AVEN: variants seen among roughly 807,000 people sequenced by gnomAD.
AVEN encodes the protein apoptosis and caspase activation inhibitor, also known as cell death regulator Aven.
AVEN carries 41 observed loss-of-function variants against 38.1 expected under a neutral mutation model. That is an observed-to-expected ratio of 1.08 (90% CI 0.84 to 1.40). AVEN has a LOEUF of 1.40. AVEN is among the 40% of genes most tolerant of loss of function. The probability of loss-of-function intolerance (pLI) is 0.00; values close to 1 mark genes in which losing one functional copy is unlikely to be tolerated. For missense variants in AVEN, 605 were observed against 438.8 expected, an observed-to-expected ratio of 1.38 and a Z score of -3.38; for synonymous variants, 206 against 171.8, an observed-to-expected ratio of 1.20 and a Z score of -1.56.
At chr15:33,852,398 A>ATCATC in the AVEN span, 1 of 152,246 alleles carries the variant, frequency 6.6e-6, no homozygotes, top group Non-Finnish European at 1.5e-5. Flanking sequence ...GAGAAGAAAG[A>ATCATC]TCATCTCTCT....
upstream of AVEN, among the ~76,000 whole-genome samples, chr15:34,043,223 G>A (rs1422932879): frequency 6.6e-6 from 1 of 151,506 alleles, no homozygotes; most frequent in East Asian, 1.9e-4. Context: ...CTCCAGCCTG[G>A]GCGACCGAGC....
intron 1 of AVEN, among the ~76,000 whole-genome samples, chr15:34,037,329 G>A (rs1899190367): frequency 6.6e-6 from 1 of 151,976 alleles, no homozygotes; most frequent in Non-Finnish European, 1.5e-5. Context: ...TCTCAATAAA[G>A]TGGTAACTGG....
chr15:33,921,886 T>A (rs1893408770), intron 2 of AVEN, among the ~76,000 whole-genome samples: 1 of 151,968 alleles, frequency 6.6e-6, no homozygotes, highest in South Asian at 2.1e-4. Flanking sequence ...TGGGAAAAAA[T>A]GGTTAGCAGC....
In AVEN at chr15:33,933,397, A is replaced by T. The variant is rs117792659; in HGVS notation, c.446-57402T>A. The stretch of plus-strand genomic sequence containing the variant: ...TGGAGATGGAGAGAAATGAATGTGG[A>T]TGCTAAACTGGACTAGATGGTATCT... On this transcript the variant is annotated intron_variant, in intron 2 of 5. Coordinates refer to ENST00000306730, the MANE Select transcript of AVEN (RefSeq NM_020371.3). Among the ~76,000 whole-genome samples the T allele has an allele frequency of 8.2e-3, 1,240 of 151,860 alleles. 10 individuals carry two copies. The highest frequency in any genetic ancestry group is 0.014 in the Non-Finnish European group (952 of 67,946).
At chr15:33,863,122 T>G (rs1054034960), downstream of AVEN, among the ~76,000 whole-genome samples, 37 of 152,170 alleles carry the variant, frequency 2.4e-4, no homozygotes, top group African/African-American at 8.7e-4. Context: ...ACTGTTACAC[T>G]GGTCTCTTTC....
In AVEN at chr15:33,993,023, C is replaced by T. The variant is rs147191575; in HGVS notation, c.445+10009G>A. ...ACAGACTTGCACATAATATTTTCCC[C>T]ACGTTTTCTTCAATATTGATCCAGT... On this transcript the variant is annotated intron_variant, in intron 2 of 5. Coordinates refer to ENST00000306730, the MANE Select transcript of AVEN (RefSeq NM_020371.3). Among the ~76,000 whole-genome samples, 143 of 152,264 alleles carry T rather than the reference C, an allele frequency of 9.4e-4. 2 individuals are homozygous for T. In the East Asian group the frequency reaches 0.021, roughly 23 times the overall value.
intron 4 of AVEN, among the ~76,000 whole-genome samples, chr15:33,869,706 A>T (rs761283360): frequency 6.6e-6 from 1 of 152,184 alleles, no homozygotes; most frequent in Non-Finnish European, 1.5e-5. Flanking sequence ...TATACAGCAA[A>T]TGAATGGGTA....
Position 34,063,541 on chromosome 15 carries a change from G to T in AVEN, n.1127-109C>A. 3 of 1,613,416 alleles carry T rather than the reference G, an allele frequency of 1.9e-6. No individual in the cohort carries two copies. Among genetic ancestry groups the T allele is most frequent in the South Asian group, 1.1e-5 (1 of 91,070 alleles). On this transcript the variant is annotated intron_variant and non_coding_transcript_variant, in intron 4 of 11. Transcript: ENST00000675287. This position sits in a 1 kb window ranked among gnomAD's most constrained non-coding sequence, Gnocchi z 4.1. The stretch of plus-strand genomic sequence containing the variant: ...AACCAGGCCTCCTGGTCATCCTCCC[G>T]CAGGAGCACCTCCACCACTGGGAAG...
intron 1 of AVEN, among the ~76,000 whole-genome samples, chr15:34,017,608 T>C (rs1169175412): frequency 6.6e-6 from 1 of 151,150 alleles, no homozygotes; most frequent in Non-Finnish European, 1.5e-5. Context: ...GTCTCTCAAG[T>C]AGCTGTGACT....
intron 11 of AVEN, chr15:33,859,535 T>C (rs763940376): frequency 1.2e-6 from 2 of 1,610,748 alleles, no homozygotes; most frequent in Non-Finnish European, 1.7e-6. Flanking sequence ...AAAACAGAAC[T>C]GTGACTTTTG....
rs1466228439 is a variant in AVEN, at chr15:34,039,197, G to A, written c.-151C>T. 3.9e-5 allele frequency: 25 copies of A among 638,598 alleles called. No individual in the cohort carries two copies. The highest frequency in any genetic ancestry group is 1.2e-4 in the Admixed American group (2 of 16,802). 39.6% of individuals were successfully genotyped at this position (638,598 alleles called of 1,614,324 possible). ...GGTGCGGGGCTAGGGATCGAGGCCG[G>A]CCGCAGCGGAGCGGGGCGGGGCGGG... On this transcript the variant is annotated 5_prime_UTR_variant, in exon 1 of 6. Coordinates refer to ENST00000306730, the MANE Select transcript of AVEN (RefSeq NM_020371.3).
intron 2 of AVEN, among the ~76,000 whole-genome samples, chr15:33,985,100 A>G (rs902635143): frequency 5.3e-5 from 8 of 152,038 alleles, no homozygotes; most frequent in Non-Finnish European, 1.2e-4. Context: ...CCTCACATCT[A>G]TATCACCTCA....
chr15:33,865,038 C>A, downstream of AVEN: 1 of 868,062 alleles, frequency 1.2e-6, no homozygotes, highest in Non-Finnish European at 1.9e-6. Flanking sequence ...TCACATCAGT[C>A]TTCCTAAAGG....
intron 2 of AVEN, among the ~76,000 whole-genome samples, chr15:33,957,848 GT>G (rs1895015261): frequency 6.6e-6 from 1 of 152,182 alleles, no homozygotes; most frequent in Admixed American, 6.5e-5. Context: ...GGCAAAAAGG[GT>G]GAAGAGGGCC....
At chr15:33,894,228 G>A (rs1168218791) in intron 2 of AVEN, among the ~76,000 whole-genome samples, 1 of 152,012 alleles carries the variant, frequency 6.6e-6, no homozygotes. Context: ...GGGATTAAAG[G>A]TGTGAGCTAC....
intron 2 of AVEN, among the ~76,000 whole-genome samples, chr15:33,961,649 T>TA (rs1411706086): frequency 1.3e-5 from 2 of 151,038 alleles, no homozygotes; most frequent in African/African-American, 2.4e-5. Context: ...CCGTCTCTAC[T>TA]AAAAACACAA....
Position 33,885,110 on chromosome 15 carries a change from C to T in AVEN, c.446-9115G>A, listed in dbSNP as rs142467393. The stretch of plus-strand genomic sequence containing the variant: ...CAGCCCCTGCAGAACATGTCCTCAA[C>T]CAGGACACCAAGTTACTGAAAAGTC... On this transcript the variant is annotated intron_variant, in intron 2 of 5. Coordinates refer to ENST00000306730, the MANE Select transcript of AVEN (RefSeq NM_020371.3). Among the ~76,000 whole-genome samples the T allele has an allele frequency of 3.4e-3, 523 of 152,270 alleles. 2 individuals carry two copies. The highest frequency in any genetic ancestry group is 0.014 in the Middle Eastern group (4 of 294).
intron 1 of AVEN, among the ~76,000 whole-genome samples, chr15:34,009,313 T>C (rs1489987018): frequency 1.3e-5 from 2 of 152,096 alleles, no homozygotes; most frequent in Admixed American, 6.6e-5. Context: ...CAAATCCACA[T>C]GAAAAAAACA....
At chr15:33,862,853 C>G (rs555058283), downstream of AVEN, among the ~76,000 whole-genome samples, 6 of 152,208 alleles carry the variant, frequency 3.9e-5, no homozygotes, top group African/African-American at 1.4e-4. Context: ...TGAAGTGATC[C>G]ACCTGCCTTG....
Sources: allele counts gnomAD v4.1 joint callset (sites outside exome capture counted in the v4.1 genomes callset), GRCh38; gene constraint gnomAD v4.1.1; non-coding constraint Gnocchi (gnomAD v3.1); transcripts MANE v1.5; gene names NCBI Gene and HGNC (gene_info 2026-07-23, HGNC 2026-07-21).